CIAO1: variants seen among roughly 807,000 people sequenced by gnomAD.
The protein encoded by CIAO1 is cytosolic iron-sulfur assembly component 1.
In CIAO1, 32 loss-of-function variants were observed where a neutral mutation model predicts 43.1. The ratio of observed to expected loss-of-function variants is 0.74; its 90% CI spans 0.56 to 1.00. The LOEUF (loss-of-function observed/expected upper bound fraction) is 1.00. CIAO1 is among the 50% of genes least tolerant of loss of function. The pLI is 0.00. For synonymous variants in CIAO1, 183 were observed against 171.4 expected (o/e 1.07, Z -0.53); for missense variants, 415 against 437.4 (o/e 0.95, Z 0.46).
Position 96,271,624 on chromosome 2 carries a change from TA to T in CIAO1, c.*274del, listed in dbSNP as rs2104320750. The T allele has an allele frequency of 2.5e-6, 1 of 406,972 alleles. No homozygotes were observed. The highest frequency in any genetic ancestry group is 4.8e-5 in the East Asian group (1 of 20,884). The allele number at this position is 406,972 out of a possible 1,614,324, so 25.2% of individuals were successfully genotyped here. A position where few individuals can be genotyped will look rare whatever the true frequency, so the allele number is the denominator to read the frequency against. ...CAGTGTTAAATTTTTTGGAGGTAAA[TA>T]TACTATTTATAATCACTATATATAG... On this transcript the variant is annotated 3_prime_UTR_variant, in exon 7 of 7. Transcript: ENST00000488633.
chr2:96,268,736 G>C (rs1684485797), intron 5 of CIAO1, 78 bp downstream of exon 5: 3 of 1,406,314 alleles, frequency 2.1e-6, no homozygotes, highest in Non-Finnish European at 3.0e-6. Context: ...ACATGAGTCA[G>C]AGCAAATGGG....
At chr2:96,268,359 TAATAAA>T in intron 4 of CIAO1, 92 bp from the exon 5 acceptor site, 1 of 1,039,214 alleles carries the variant, frequency 9.6e-7, no homozygotes. Flanking sequence ...CTCAAATAAA[TAATAAA>T]ATAAAATAAA....
rs1279118094 is a variant in CIAO1, at chr2:96,271,678, T to C, written c.*327T>C. On this transcript the variant is annotated 3_prime_UTR_variant, in exon 7 of 7. Transcript: ENST00000488633. Reference sequence around the variant, plus strand: ...GGAGGGGGTATGTGTCTCAGGCTTTTCTGAAGTTGCAAGACTTAAAGAAAT... The same window carrying C: ...GGAGGGGGTATGTGTCTCAGGCTTTCCTGAAGTTGCAAGACTTAAAGAAAT... 1 of 191,364 alleles carries C rather than the reference T, an allele frequency of 5.2e-6. No individual in the cohort carries two copies. Among genetic ancestry groups the C allele is most frequent in the Non-Finnish European group, 1.1e-5 (1 of 93,070 alleles). 11.9% of individuals were successfully genotyped at this position (191,364 alleles called of 1,614,324 possible).
intron 1 of CIAO1, 118 bp from the exon 2 acceptor site, chr2:96,267,203 G>T: frequency 4.9e-6 from 3 of 612,904 alleles, no homozygotes; most frequent in East Asian, 9.3e-5. Flanking sequence ...TGTAAAAGCT[G>T]TGAAATACAC....
rs549966222 is a variant in CIAO1, at chr2:96,271,647, A to G, written c.*296A>G. ...AATATACTATTTATAATCACTATAT[A>G]TAGTAGGAGGGGGTATGTGTCTCAG... On this transcript the variant is annotated 3_prime_UTR_variant, in exon 7 of 7. Transcript: ENST00000488633. The G allele has an allele frequency of 2.4e-4, 66 of 275,544 alleles. 1 individual carries two copies. The highest frequency in any genetic ancestry group is 1.5e-3 in the South Asian group (26 of 17,462). 17.1% of individuals were successfully genotyped at this position (275,544 alleles called of 1,614,324 possible). A position where few individuals can be genotyped will look rare whatever the true frequency, so the allele number is the denominator to read the frequency against.
In CIAO1 at chr2:96,269,261, C is replaced by G. The variant is rs369474100; in HGVS notation, c.692-7C>G. 5.3e-5 allele frequency: 86 copies of G among 1,614,032 alleles called. 1 individual carries two copies. The African/African-American group carries it at 1.1e-3, about 21-fold the overall frequency. ...ACGTTTAAGGGCAAGAGAAGTCTGT[C>G]TTGCAGGGGTGGCATGCAGCGGCTC... On this transcript the variant is annotated splice_polypyrimidine_tract_variant and splice_region_variant and intron_variant, in intron 5 of 6. Coordinates refer to ENST00000488633, the MANE Select transcript of CIAO1 (RefSeq NM_004804.3).
At position 96,267,631 on chromosome 2, in the gene CIAO1, A is replaced by G. The variant is rs1450568895; in HGVS notation, c.295A>G (p.Thr99Ala). Residue 99 changes from threonine to alanine, a missense_variant, in exon 3 of 7, where the codon ACC becomes GCC. Thr to Ala is a moderately conservative substitution (Grantham distance 58). Coordinates refer to ENST00000488633, the MANE Select transcript of CIAO1 (RefSeq NM_004804.3). ...KKNQDDFECV[T>A]TLEGHENEVK... ...TTTCTTTCCCCTTTCACAGTGTGTA[A>G]CCACTCTCGAGGGCCATGAAAATGA... is the stretch of plus-strand genomic sequence containing the variant. The G allele has an allele frequency of 6.2e-7, 1 of 1,613,928 alleles. No homozygotes were observed. Among genetic ancestry groups the G allele is most frequent in the Non-Finnish European group, 8.5e-7 (1 of 1,179,944 alleles).
Position 96,271,235 on chromosome 2 carries a change from C to T in CIAO1, c.904C>T (p.His302Tyr). The change falls in exon 7 of 7, where the codon CAT (histidine) becomes TAT (tyrosine). Residue 302 changes from histidine (H) to tyrosine (Y), a missense_variant. Coordinates refer to ENST00000488633, the MANE Select transcript of CIAO1 (RefSeq NM_004804.3). ...FSLTAHLHQA[H>Y]SQDVNCVAWN... ...CCTGACAGCCCACTTGCATCAGGCC[C>T]ATTCCCAGGATGTCAACTGTGTGGC... 1 of 1,614,256 alleles carries T rather than the reference C, an allele frequency of 6.2e-7. No homozygotes were observed. Among genetic ancestry groups the T allele is most frequent in the Non-Finnish European group, 8.5e-7 (1 of 1,180,046 alleles).
At chr2:96,266,802 G>C (rs1046679112) in intron 1 of CIAO1, among the ~76,000 whole-genome samples, 1 of 152,188 alleles carries the variant, frequency 6.6e-6, no homozygotes, top group Non-Finnish European at 1.5e-5. Context: ...AGGGCATTGG[G>C]GAACCAATAG....
Position 96,271,359 on chromosome 2 carries a change from C to T in CIAO1, c.*8C>T, listed in dbSNP as rs900191080. 18 of 1,612,312 alleles carry T rather than the reference C, an allele frequency of 1.1e-5. No homozygotes were observed. Among genetic ancestry groups the T allele is most frequent in the Middle Eastern group, 1.7e-4 (1 of 5,944 alleles). On this transcript the variant is annotated 3_prime_UTR_variant, in exon 7 of 7. Transcript: ENST00000488633. ...CGGCCTGAAGGCCTCTGAGCTACCT[C>T]GACTTTGGACAGAGTAATGACTCCC...
In CIAO1 at chr2:96,268,782, A is replaced by T. The variant is rs1294009179; in HGVS notation, c.691+124A>T. The T allele has an allele frequency of 1.5e-5, 14 of 913,482 alleles. No homozygotes were observed. In the East Asian group the frequency reaches 3.1e-4, roughly 20 times the overall value. 56.6% of individuals were successfully genotyped at this position (913,482 alleles called of 1,614,324 possible). A position where few individuals can be genotyped will look rare whatever the true frequency, so the allele number is the denominator to read the frequency against. On this transcript the variant is annotated intron_variant, in intron 5 of 6. Coordinates refer to ENST00000488633, the MANE Select transcript of CIAO1 (RefSeq NM_004804.3). ...AAGATGTGCTACAAGAGGGCTCTGG[A>T]TAGAGTGCTGGAAGAATCAGGAAAG...
In CIAO1 at chr2:96,266,227, C is replaced by T. The variant is rs1383897349; in HGVS notation, c.-124C>T. 2.2e-5 allele frequency: 25 copies of T among 1,142,282 alleles called. No homozygotes were observed. The highest frequency in any genetic ancestry group is 2.8e-5 in the Non-Finnish European group (25 of 890,378). The allele number at this position is 1,142,282 out of a possible 1,614,324, so 70.8% of individuals were successfully genotyped here. On this transcript the variant is annotated 5_prime_UTR_variant, in exon 1 of 7. Coordinates refer to ENST00000488633, the MANE Select transcript of CIAO1 (RefSeq NM_004804.3). The stretch of plus-strand genomic sequence containing the variant: ...TTCCGGGGCGACCCAGGTCCTCCGG[C>T]GGAAGCGGGAGCCTCTGTCGGCCGC...
rs142274680 is a variant in CIAO1, at chr2:96,267,709, C to T, written c.373C>T (p.Arg125Ter). The stretch of plus-strand genomic sequence containing the variant: ...TGGCAACCTCCTGGCCACTTGCAGC[C>T]GAGATAAGAGCGTTTGGGTCTGGGA... ...PSGNLLATCS[R>*]DKSVWVWEVD... The change falls in exon 3 of 7, where the codon CGA (arginine) becomes TGA (stop). Residue 125 changes from arginine to a stop codon, truncating the protein, a stop_gained. Coordinates refer to ENST00000488633, the MANE Select transcript of CIAO1 (RefSeq NM_004804.3). LOFTEE classifies it high-confidence loss of function. 2.1e-5 allele frequency: 34 copies of T among 1,614,158 alleles called. No individual in the cohort carries two copies. The highest frequency in any genetic ancestry group is 1.6e-4 in the Middle Eastern group (1 of 6,062).
chr2:96,268,487 G>A lies in CIAO1; in HGVS notation c.520G>A (p.Val174Met). 1 of 1,614,234 alleles carries A rather than the reference G, an allele frequency of 6.2e-7. No homozygotes were observed. The highest frequency in any genetic ancestry group is 8.5e-7 in the Non-Finnish European group (1 of 1,180,042). ...AGCTTCTGCCAGCTATGATGACACA[G>A]TGAAGCTGTACCGGGAGGAAGAGGA... Reference protein sequence around the residue: ...LLASASYDDTVKLYREEEDDW... With the variant: ...LLASASYDDTMKLYREEEDDW... Residue 174 changes from valine (V) to methionine (M), a missense_variant, in exon 5 of 7, where the codon GTG becomes ATG. By Grantham distance (21) the Val-to-Met change is conservative. Coordinates refer to ENST00000488633, the MANE Select transcript of CIAO1 (RefSeq NM_004804.3).
In CIAO1 at chr2:96,271,420, G is replaced by A; in HGVS notation, c.*69G>A. 6.5e-7 allele frequency: 1 copy of A among 1,546,402 alleles called. No individual in the cohort carries two copies. ...CATATAAGACTTTACCAGCCCCTGA[G>A]AGGACCAGGAGGAGCATCCTTGACC... On this transcript the variant is annotated 3_prime_UTR_variant, in exon 7 of 7. Coordinates refer to ENST00000488633, the MANE Select transcript of CIAO1 (RefSeq NM_004804.3).
At chr2:96,269,577 G>A (rs1239830002) in intron 6 of CIAO1, among the ~76,000 whole-genome samples, 3 of 152,192 alleles carry the variant, frequency 2.0e-5, no homozygotes, top group African/African-American at 4.8e-5. Context: ...TAGCACCAGC[G>A]CTAGAGGTTC....
At position 96,271,142 on chromosome 2, in the gene CIAO1, T is replaced by G; in HGVS notation, c.811T>G (p.Cys271Gly). ...GCTGACAGGGGCTCTGGCCACAGCT[T>G]GTGGGGATGACGCGATCCGCGTGTT... ...CQLTGALATA[C>G]GDDAIRVFQE... The change falls in exon 7 of 7, where the codon TGT (cysteine) becomes GGT (glycine). Residue 271 changes from cysteine to glycine, a missense_variant. Coordinates refer to ENST00000488633, the MANE Select transcript of CIAO1 (RefSeq NM_004804.3). The G allele has an allele frequency of 6.2e-7, 1 of 1,614,166 alleles. No individual in the cohort carries two copies. The highest frequency in any genetic ancestry group is 8.5e-7 in the Non-Finnish European group (1 of 1,180,030).
chr2:96,269,081 C>T (rs1164803079), intron 5 of CIAO1, 187 bp from the exon 6 acceptor site: 11 of 622,296 alleles, frequency 1.8e-5, no homozygotes, highest in East Asian at 2.8e-5. Context: ...GATGTTTCCT[C>T]GGAATTCTGC....
At chr2:96,267,167 A>G in intron 1 of CIAO1, 154 bp from the exon 2 acceptor site, 2 of 395,480 alleles carry the variant, frequency 5.1e-6, no homozygotes, top group South Asian at 1.1e-4. Context: ...AAAAGCTTCC[A>G]GACGAAGTAG....
Sources: allele counts gnomAD v4.1 joint callset (sites outside exome capture counted in the v4.1 genomes callset), GRCh38; gene constraint gnomAD v4.1.1; transcripts MANE v1.5; gene names NCBI Gene and HGNC (gene_info 2026-07-23, HGNC 2026-07-21).